BCAR3: variants seen among roughly 807,000 people sequenced by gnomAD.
BCAR3 encodes BCAR3 adaptor protein, NSP family member.
A neutral mutation model predicts 80.1 loss-of-function variants in BCAR3; 37 were observed. The observed-to-expected ratio is 0.46, with a 90% CI of 0.36 to 0.61. BCAR3 has a LOEUF of 0.61. Ranked by LOEUF, BCAR3 falls within the 20% of genes least tolerant of loss-of-function variation. The probability of loss-of-function intolerance (pLI) is 0.00; values close to 1 mark genes in which losing one functional copy is unlikely to be tolerated. For missense variants in BCAR3, 978 were observed against 1,068.2 expected (o/e 0.92, Z 1.18); for synonymous variants, 389 against 418.9 (o/e 0.93, Z 0.87).
intron 2 of BCAR3, among the ~76,000 whole-genome samples, chr1:93,708,166 C>A (rs1649889713): frequency 6.6e-6 from 1 of 152,124 alleles, no homozygotes; most frequent in Non-Finnish European, 1.5e-5. Flanking sequence ...TTATATAGAA[C>A]CTGAATAGAG....
At chr1:93,606,181 T>C (rs892032366) in intron 3 of BCAR3, among the ~76,000 whole-genome samples, 3 of 152,194 alleles carry the variant, frequency 2.0e-5, no homozygotes, top group African/African-American at 7.2e-5. Flanking sequence ...AAGCACTAGA[T>C]ACCCACATAT....
intron 2 of BCAR3, among the ~76,000 whole-genome samples, chr1:93,740,894 G>A (rs1268941828): frequency 1.3e-5 from 2 of 152,210 alleles, no homozygotes; most frequent in African/African-American, 4.8e-5. Context: ...CACTGGCTGT[G>A]TTTCCAGCTG....
intron 2 of BCAR3, among the ~76,000 whole-genome samples, chr1:93,645,638 T>TTGTGTGTGTGTG (rs71588504): frequency 5.3e-5 from 8 of 149,672 alleles, no homozygotes; most frequent in Non-Finnish European, 1.2e-4. Context: ...TACAGGATCT[T>TTGTGTGTGTGTG]TGTGTGTGTG....
intron 2 of BCAR3, among the ~76,000 whole-genome samples, chr1:93,814,520 CTCACGTCCA>C (rs1411525083): frequency 6.6e-6 from 1 of 152,230 alleles, no homozygotes. Context: ...CTCTTCAGGA[CTCACGTCCA>C]CTACCTGCAA....
At chr1:93,661,246 T>C (rs1647639435) in intron 2 of BCAR3, among the ~76,000 whole-genome samples, 5 of 152,124 alleles carry the variant, frequency 3.3e-5, no homozygotes, top group African/African-American at 1.2e-4. Context: ...TTCATGTTGG[T>C]CAGGTTGGTC....
intron 2 of BCAR3, among the ~76,000 whole-genome samples, chr1:93,740,436 A>G (rs1348699608): frequency 1.3e-5 from 2 of 152,194 alleles, no homozygotes; most frequent in Non-Finnish European, 2.9e-5. Flanking sequence ...CCCCAGTCCC[A>G]TCAGTCTGTC....
intron 3 of BCAR3, among the ~76,000 whole-genome samples, chr1:93,635,988 T>A (rs1364979841): frequency 1.3e-5 from 2 of 152,164 alleles, no homozygotes; most frequent in Non-Finnish European, 2.9e-5. Context: ...TCCACTGAGG[T>A]CTCCGGCAGC....
chr1:93,583,820 C>T (rs563107810), intron 6 of BCAR3, among the ~76,000 whole-genome samples, 198 bp downstream of exon 6: 34 of 152,298 alleles, frequency 2.2e-4, no homozygotes, highest in African/African-American at 4.8e-4. Flanking sequence ...AGGCTTGCTA[C>T]GAGGCCTAAA....
chr1:93,810,142 G>A lies in BCAR3; in HGVS notation c.-63+35425C>T, dbSNP rs533386066. ...CGTGAGGCGGAGGTTGCAGTGAGCC[G>A]AGATCATGCCACTTTACTCCAGCCT... On this transcript the variant is annotated intron_variant, in intron 2 of 13. Transcript: ENST00000370244. 1.2e-4 allele frequency among the ~76,000 whole-genome samples: 17 copies of A among 143,738 alleles called. 1 individual carries two copies. In the South Asian group the frequency reaches 2.4e-3, roughly 20 times the overall value. 94.3% of individuals were successfully genotyped at this position (143,738 alleles called of 152,430 possible).
chr1:93,584,194 G>A, intron 5 of BCAR3, 73 bp from the exon 6 acceptor site: 1 of 1,359,376 alleles, frequency 7.4e-7, no homozygotes, highest in Non-Finnish European at 1.0e-6. Flanking sequence ...AATGCCATGG[G>A]AACTTAAACA....
intron 2 of BCAR3, among the ~76,000 whole-genome samples, chr1:93,761,879 C>G (rs1212927335): frequency 6.6e-6 from 1 of 152,166 alleles, no homozygotes; most frequent in East Asian, 1.9e-4. Flanking sequence ...TTCCTGTCCC[C>G]TTCCGGTTTT....
intron 2 of BCAR3, among the ~76,000 whole-genome samples, chr1:93,660,119 C>G (rs902032179): frequency 6.6e-6 from 1 of 151,994 alleles, no homozygotes; most frequent in Non-Finnish European, 1.5e-5. Context: ...ACCTTCCTCC[C>G]ACTACACTCT....
intron 5 of BCAR3, chr1:93,584,830 G>C (rs755148683): frequency 3.1e-6 from 1 of 320,996 alleles, no homozygotes; most frequent in East Asian, 1.7e-4. Context: ...TTCAGACTGG[G>C]AATTTCTCCA....
chr1:93,767,969 T>C (rs1034182807), intron 2 of BCAR3, among the ~76,000 whole-genome samples: 5 of 141,026 alleles, frequency 3.5e-5, no homozygotes, highest in South Asian at 4.3e-4. Flanking sequence ...AAACATCATC[T>C]ATCAAAGAGT....
chr1:93,570,711 C>T (rs1673177817), intron 9 of BCAR3, among the ~76,000 whole-genome samples: 1 of 152,214 alleles, frequency 6.6e-6, no homozygotes, highest in South Asian at 2.1e-4. Flanking sequence ...GCAAATGTCT[C>T]ATTTCCCAGT....
intron 2 of BCAR3, among the ~76,000 whole-genome samples, chr1:93,746,330 C>T (rs188037718): frequency 1.1e-4 from 17 of 152,314 alleles, no homozygotes; most frequent in Admixed American, 9.1e-4. Context: ...CAATTCAAGC[C>T]TCCCACCCCA....
In BCAR3 at chr1:93,582,432, C is replaced by T. The variant is rs200907769; in HGVS notation, c.1555G>A (p.Glu519Lys). The change falls in exon 7 of 12, where the codon GAG (glutamate) becomes AAG (lysine). Residue 519 changes from glutamate to lysine, a missense_variant. Physicochemically the swap from Glu to Lys is moderately conservative, Grantham distance 56. Transcript: ENST00000260502. ...LETVSSFRPN[E>K]FESKFLPPEN... ...GGGGGAAGGAACTTTGACTCAAACT[C>T]GTTGGGCCTGAAGGAGGAGACAGTC... 12 of 1,614,142 alleles carry T rather than the reference C, an allele frequency of 7.4e-6. No homozygotes were observed. Among genetic ancestry groups the T allele is most frequent in the East Asian group, 4.5e-5 (2 of 44,876 alleles).
chr1:93,843,818 G>T (rs957833946), intron 2 of BCAR3, among the ~76,000 whole-genome samples: 1 of 152,138 alleles, frequency 6.6e-6, no homozygotes, highest in Admixed American at 6.5e-5. Context: ...GTCCTTGAAG[G>T]TAGGAATTAT....
intron 3 of BCAR3, among the ~76,000 whole-genome samples, chr1:93,702,401 C>A (rs1649675804): frequency 6.6e-6 from 1 of 152,212 alleles, no homozygotes; most frequent in African/African-American, 2.4e-5. Context: ...ACTGTTCCCC[C>A]AACTTATCAG....
Sources: gnomAD v4.1 joint callset for allele counts (sites outside exome capture counted in the v4.1 genomes callset) on GRCh38, gnomAD v4.1.1 for gene constraint, MANE v1.5 for transcripts, NCBI Gene and HGNC (gene_info 2026-07-23, HGNC 2026-07-21) for gene names.